The following COL5A3 variants were observed in gnomAD, a reference collection of about 807,000 sequenced individuals.
COL5A3 encodes collagen alpha-3(V) chain.
A neutral mutation model predicts 250.0 loss-of-function variants in COL5A3; 172 were observed. The observed-to-expected ratio is 0.69, with a 90% CI of 0.61 to 0.78. The LOEUF is 0.78. Ranked by LOEUF, COL5A3 falls within the 30% of genes least tolerant of loss-of-function variation. COL5A3 has a pLI of 0.00. For missense variants in COL5A3, 2,340 were observed against 2,334.4 expected (o/e 1.00, Z -0.05); for synonymous variants, 937 against 900.4 (o/e 1.04, Z -0.73).
chr19:9,986,425 G>T lies in COL5A3; in HGVS notation c.2245-3C>A. 1 of 1,612,594 alleles carries T rather than the reference G, an allele frequency of 6.2e-7. No homozygotes were observed. The highest frequency in any genetic ancestry group is 8.5e-7 in the Non-Finnish European group (1 of 1,179,286). On this transcript the variant is annotated splice_polypyrimidine_tract_variant and splice_region_variant and intron_variant, in intron 29 of 66. Coordinates refer to ENST00000264828, the MANE Select transcript of COL5A3 (RefSeq NM_015719.4). ...GGACCTGGAGCTCCGGGTTTCCCCT[G>T]GAAGAAAAAGGAGAGTATTTAATAT... is the stretch of plus-strand genomic sequence containing the variant.
chr19:10,000,291 A>G (rs1397705633), intron 8 of COL5A3, among the ~76,000 whole-genome samples: 1 of 151,796 alleles, frequency 6.6e-6, no homozygotes, highest in African/African-American at 2.4e-5. Flanking sequence ...ATGCGTATCC[A>G]TCTTTCTCCA....
rs538941402 is a variant in COL5A3 at position 9,978,247 on chromosome 19, GC to G, written c.3018+326del. Among the ~76,000 whole-genome samples the G allele has an allele frequency of 3.0e-4, 46 of 152,110 alleles. No individual in the cohort carries two copies. In the East Asian group the frequency reaches 5.8e-3, roughly 19 times the overall value. The stretch of plus-strand genomic sequence containing the variant: ...TTTACAGACAAGGAAACTGAGGCTT[GC>G]CAAGGAATACAACGGCCCAGCCAGT... On this transcript the variant is annotated intron_variant, in intron 41 of 66. Coordinates refer to ENST00000264828, the MANE Select transcript of COL5A3 (RefSeq NM_015719.4).
At chr19:9,961,490 A>G (rs1199639020) in intron 65 of COL5A3, among the ~76,000 whole-genome samples, 1 of 150,802 alleles carries the variant, frequency 6.6e-6, no homozygotes, top group African/African-American at 2.4e-5. Flanking sequence ...TCAGCCTCCC[A>G]AGTAGCTGGG....
intron 1 of COL5A3, among the ~76,000 whole-genome samples, chr19:10,008,774 C>T (rs34729515): frequency 1.4e-4 from 21 of 152,004 alleles, no homozygotes; most frequent in African/African-American, 1.5e-4. Flanking sequence ...CAACGCTTGC[C>T]GTGAGCTTGC....
At position 9,962,800 on chromosome 19, in the gene COL5A3, C is replaced by T. The variant is rs1422583812; in HGVS notation, c.4851+19G>A. The T allele has an allele frequency of 2.5e-6, 4 of 1,598,924 alleles. No homozygotes were observed. Among genetic ancestry groups the T allele is most frequent in the Non-Finnish European group, 3.4e-6 (4 of 1,170,072 alleles). On this transcript the variant is annotated intron_variant, in intron 65 of 66. Transcript: ENST00000264828. ...CATCAATTTTCATGTCACTCCCCAT[C>T]TCGGCCTCGGTGACTCACCTTCTTC... is the stretch of plus-strand genomic sequence containing the variant.
intron 45 of COL5A3, among the ~76,000 whole-genome samples, chr19:9,975,839 C>T (rs556649748): frequency 1.3e-5 from 2 of 148,276 alleles, no homozygotes; most frequent in East Asian, 2.0e-4. Context: ...GGGATTGAGA[C>T]AAATTCTAGG....
chr19:10,006,370 A>T, intron 1 of COL5A3, 139 bp from the exon 2 acceptor site: 1 of 839,988 alleles, frequency 1.2e-6, no homozygotes, highest in Non-Finnish European at 1.8e-6. Context: ...TGGCTCAGGA[A>T]GAAGGAGCCG....
chr19:9,971,270 A>C lies in COL5A3; in HGVS notation c.3775-12T>G, dbSNP rs551927484. ...AGCCCCGTGGGGCCCTGGAACACAG[A>C]ATGATTAATAATCACATCTCTGAAT... On this transcript the variant is annotated splice_polypyrimidine_tract_variant and intron_variant, in intron 51 of 66. Coordinates refer to ENST00000264828, the MANE Select transcript of COL5A3 (RefSeq NM_015719.4). The C allele has an allele frequency of 6.4e-7, 1 of 1,557,240 alleles. No homozygotes were observed. The highest frequency in any genetic ancestry group is 8.6e-7 in the Non-Finnish European group (1 of 1,156,792).
rs1421158340 is a variant in COL5A3 at position 9,979,061 on chromosome 19, C to G, written c.2874+71G>C. On this transcript the variant is annotated intron_variant, in intron 39 of 66. Transcript: ENST00000264828. ...ATCTGTGACTCAGGGCCCCCTCCCC[C>G]ATGAGACTGATTCTGAGTCCTTGGT... 5 of 1,473,992 alleles carry G rather than the reference C, an allele frequency of 3.4e-6. No individual in the cohort carries two copies. In the South Asian group the frequency reaches 4.0e-5, roughly 12 times the overall value. 91.3% of individuals were successfully genotyped at this position (1,473,992 alleles called of 1,614,324 possible). A position where few individuals can be genotyped will look rare whatever the true frequency, so the allele number is the denominator to read the frequency against.
chr19:9,969,232 T>C (rs2086794746), intron 57 of COL5A3, 117 bp downstream of exon 57: 1 of 863,646 alleles, frequency 1.2e-6, no homozygotes, highest in African/African-American at 1.7e-5. Flanking sequence ...ACAGGCAGTA[T>C]GGACACTCAG....
At chr19:9,961,455 C>G (rs1032666882) in intron 65 of COL5A3, among the ~76,000 whole-genome samples, 1 of 152,002 alleles carries the variant, frequency 6.6e-6, no homozygotes. Context: ...GCCTCCATCT[C>G]CTGAGCTCAA....
In COL5A3 at chr19:9,968,845, G is replaced by A. The variant is rs2086791021; in HGVS notation, c.4153-117C>T. On this transcript the variant is annotated intron_variant, in intron 57 of 66. Coordinates refer to ENST00000264828, the MANE Select transcript of COL5A3 (RefSeq NM_015719.4). This position sits in a 1 kb window ranked among gnomAD's most constrained non-coding sequence, Gnocchi z 4.1. ...CAGATTTCAAATGGGAATTACCAGGGATGAGGTCAAGGGATGGTCAGAGTA... is the reference window on the plus strand; with the variant it reads ...CAGATTTCAAATGGGAATTACCAGGAATGAGGTCAAGGGATGGTCAGAGTA... 2 of 934,852 alleles carry A rather than the reference G, an allele frequency of 2.1e-6. No homozygotes were observed. The highest frequency in any genetic ancestry group is 3.3e-6 in the Non-Finnish European group (2 of 602,468). 57.9% of individuals were successfully genotyped at this position (934,852 alleles called of 1,614,324 possible). A position where few individuals can be genotyped will look rare whatever the true frequency, so the allele number is the denominator to read the frequency against.
chr19:10,005,446 TG>T, intron 4 of COL5A3, 111 bp downstream of exon 4: 4 of 1,126,452 alleles, frequency 3.6e-6, no homozygotes, highest in Non-Finnish European at 5.2e-6. Flanking sequence ...CTTAGCTTCC[TG>T]GGGATAGATT....
intron 49 of COL5A3, 49 bp from the exon 50 acceptor site, chr19:9,973,672 G>T: frequency 6.2e-7 from 1 of 1,611,012 alleles, no homozygotes; most frequent in East Asian, 2.2e-5. Context: ...CTAGCAGACA[G>T]GGAGGGGCTC....
chr19:9,992,209 G>A (rs542383152), intron 21 of COL5A3, among the ~76,000 whole-genome samples, 161 bp from the exon 22 acceptor site: 61 of 151,666 alleles, frequency 4.0e-4, no homozygotes, highest in Non-Finnish European at 7.1e-4. Flanking sequence ...GATCACCTGA[G>A]GTCGGGAGTT....
At position 10,005,104 on chromosome 19, in the gene COL5A3, C is replaced by G. The variant is rs776304978; in HGVS notation, c.594+454G>C. On this transcript the variant is annotated intron_variant, in intron 4 of 66. Transcript: ENST00000264828. ...AGGCGCGGTGGCTCATACCTGTAAT[C>G]CCAGCACTTTGGGAGGCCAAGGCGG... Among the ~76,000 whole-genome samples the G allele has an allele frequency of 3.3e-4, 51 of 152,252 alleles. 1 individual carries two copies. The highest frequency in any genetic ancestry group is 6.0e-4 in the Non-Finnish European group (41 of 68,028).
At chr19:9,974,144 C>G (rs781585364) in intron 47 of COL5A3, 27 bp downstream of exon 47, 4 of 1,609,620 alleles carry the variant, frequency 2.5e-6, no homozygotes, top group Non-Finnish European at 3.4e-6. Flanking sequence ...CATCCTCCCC[C>G]TCCCACCTTC....
At chr19:9,969,010 G>A in intron 57 of COL5A3, 2 of 582,932 alleles carry the variant, frequency 3.4e-6, no homozygotes, top group Non-Finnish European at 3.0e-6. Context: ...CAAGATGAAG[G>A]GTCAGTGTGG....
rs111903552 is a variant in COL5A3, at chr19:9,968,209, G to C, written c.4315-130C>G. ...GACAAGCCTCCAGTTCCCCCACAGA[G>C]AGACCCCAAACCCCAGACGCAGCCT... is the stretch of plus-strand genomic sequence containing the variant. On this transcript the variant is annotated intron_variant, in intron 59 of 66. Coordinates refer to ENST00000264828, the MANE Select transcript of COL5A3 (RefSeq NM_015719.4). The surrounding 1 kb of genome is among the most constrained non-coding windows in gnomAD (Gnocchi z 4.1). 2,113 of 1,055,294 alleles carry C rather than the reference G, an allele frequency of 2.0e-3. 21 individuals carry two copies. The African/African-American group carries it at 0.03, about 15-fold the overall frequency. The allele number at this position is 1,055,294 out of a possible 1,614,324, so 65.4% of individuals were successfully genotyped here.
Sources: allele counts gnomAD v4.1 joint callset (sites outside exome capture counted in the v4.1 genomes callset), GRCh38; gene constraint gnomAD v4.1.1; non-coding constraint Gnocchi (gnomAD v3.1); transcripts MANE v1.5; gene names NCBI Gene and HGNC (gene_info 2026-07-23, HGNC 2026-07-21).